NRG1: variants seen among roughly 807,000 people sequenced by gnomAD.
The protein encoded by NRG1 is neuregulin 1, also known as pro-neuregulin-1, membrane-bound isoform.
NRG1 carries 18 observed loss-of-function variants against 63.8 expected under a neutral mutation model. The observed-to-expected ratio is 0.28, with a 90% confidence interval of 0.19 to 0.42. The LOEUF is 0.42. Ranked by LOEUF, NRG1 falls within the 10% of genes least tolerant of loss-of-function variation. NRG1 has a pLI of 1.00. For synonymous variants in NRG1, 302 were observed against 301.3 expected (o/e 1.00, Z -0.02); for missense variants, 762 against 814.7 (o/e 0.94, Z 0.79).
intron 1 of NRG1, among the ~76,000 whole-genome samples, chr8:32,013,090 CAATT>C (rs1444383414): frequency 6.6e-6 from 1 of 151,990 alleles, no homozygotes; most frequent in Non-Finnish European, 1.5e-5. Flanking sequence ...TTTATACAAT[CAATT>C]ATCAAGATGC....
rs201029259 is a variant in NRG1 at position 32,390,661 on chromosome 8, G to A, written c.38-205167G>A. 2.6e-5 allele frequency among the ~76,000 whole-genome samples: 4 copies of A among 151,158 alleles called. No individual in the cohort carries two copies. The East Asian group carries it at 7.8e-4, about 29-fold the overall frequency. Reference sequence around the variant, plus strand: ...AGAAAAACTTTCCCTGATATATTTAGGTTGAGACTAGACACCCTCTTATCT... The same window carrying A: ...AGAAAAACTTTCCCTGATATATTTAAGTTGAGACTAGACACCCTCTTATCT... On this transcript the variant is annotated intron_variant, in intron 1 of 10. Coordinates refer to the NRG1 transcript ENST00000519301.
rs71208175 is a variant in NRG1, at chr8:32,366,677, GTATATATATA to G, written c.38-229123_38-229114del. ...ATTGTGTGTGTGTGTGTGTGTGTGT[GTATATATATA>G]TATATATATATATATATATATATAT... On this transcript the variant is annotated intron_variant, in intron 1 of 10. Coordinates refer to the NRG1 transcript ENST00000519301. 4.8e-3 allele frequency among the ~76,000 whole-genome samples: 417 copies of G among 87,506 alleles called. 5 individuals are homozygous for G. The highest frequency in any genetic ancestry group is 7.7e-3 in the African/African-American group (167 of 21,608). The allele number at this position is 87,506 out of a possible 152,430, so 57.4% of individuals were successfully genotyped here.
intron 1 of NRG1, among the ~76,000 whole-genome samples, chr8:31,967,200 A>G (rs929866765): frequency 6.6e-5 from 10 of 152,184 alleles, no homozygotes; most frequent in African/African-American, 4.8e-5. Flanking sequence ...TAGTGGGCAA[A>G]TAGCTCCAGG....
intron 1 of NRG1, among the ~76,000 whole-genome samples, chr8:32,560,679 G>A (rs1277313054): frequency 6.6e-6 from 1 of 152,152 alleles, no homozygotes; most frequent in Non-Finnish European, 1.5e-5. Flanking sequence ...TTATTTTGAA[G>A]CTCTCTGTGT....
At chr8:31,720,839 G>A (rs1477531339) in intron 1 of NRG1, among the ~76,000 whole-genome samples, 1 of 152,132 alleles carries the variant, frequency 6.6e-6, no homozygotes, top group East Asian at 1.9e-4. Context: ...TTGACAATTT[G>A]TAAATTAAAT....
intron 1 of NRG1, among the ~76,000 whole-genome samples, chr8:32,408,909 T>C (rs939769538): frequency 2.6e-5 from 4 of 152,076 alleles, no homozygotes; most frequent in Non-Finnish European, 2.9e-5. Context: ...TCTTTCTGAG[T>C]CTCCAATGTC....
At chr8:31,990,752 A>G (rs1810926956) in intron 1 of NRG1, among the ~76,000 whole-genome samples, 1 of 152,104 alleles carries the variant, frequency 6.6e-6, no homozygotes, top group Non-Finnish European at 1.5e-5. Context: ...CAGATTGGAC[A>G]AGGTTGAAAT....
chr8:31,796,525 T>C (rs1438919286), intron 1 of NRG1, among the ~76,000 whole-genome samples: 1 of 133,496 alleles, frequency 7.5e-6, no homozygotes, highest in East Asian at 2.6e-4. Context: ...CTCCGCCTCC[T>C]GGGTCCACAC....
chr8:32,470,219 T>A (rs369433448), intron 1 of NRG1, among the ~76,000 whole-genome samples: 2 of 135,232 alleles, frequency 1.5e-5, no homozygotes, highest in African/African-American at 5.5e-5. Flanking sequence ...CTCGCTCTGT[T>A]GCCCAGGCTG....
At chr8:32,481,606 C>A (rs1395700378) in intron 1 of NRG1, among the ~76,000 whole-genome samples, 1 of 152,224 alleles carries the variant, frequency 6.6e-6, no homozygotes, top group Non-Finnish European at 1.5e-5. Context: ...CAAATCCCAG[C>A]TTTACAGCTA....
intron 1 of NRG1, among the ~76,000 whole-genome samples, chr8:32,532,777 A>C (rs1179780408): frequency 6.6e-6 from 1 of 152,028 alleles, no homozygotes; most frequent in Non-Finnish European, 1.5e-5. Flanking sequence ...TCCCAACAAA[A>C]ACTTTACTTC....
chr8:32,050,987 G>C (rs1411843821), intron 1 of NRG1, among the ~76,000 whole-genome samples: 1 of 152,098 alleles, frequency 6.6e-6, no homozygotes, highest in African/African-American at 2.4e-5. Flanking sequence ...AAAGGGGAGA[G>C]ATAAGAGAGT....
At chr8:31,843,373 C>G (rs1164770824) in intron 1 of NRG1, among the ~76,000 whole-genome samples, 1 of 152,140 alleles carries the variant, frequency 6.6e-6, no homozygotes, top group Non-Finnish European at 1.5e-5. Context: ...TATGCCATGT[C>G]ACTAAACGTC....
At chr8:32,406,271 G>A (rs1813965741) in intron 1 of NRG1, among the ~76,000 whole-genome samples, 2 of 152,202 alleles carry the variant, frequency 1.3e-5, no homozygotes, top group South Asian at 4.1e-4. Flanking sequence ...GCACGGTCTC[G>A]GGAACCAGAC....
intron 1 of NRG1, among the ~76,000 whole-genome samples, chr8:31,761,550 T>C (rs1052629939): frequency 2.0e-5 from 3 of 152,136 alleles, no homozygotes; most frequent in African/African-American, 7.2e-5. Context: ...TTATTAATTG[T>C]TTTAATTTCA....
At chr8:32,121,372 G>A (rs1289904946) in intron 1 of NRG1, among the ~76,000 whole-genome samples, 2 of 151,300 alleles carry the variant, frequency 1.3e-5, no homozygotes, top group African/African-American at 4.8e-5. Context: ...GGGAATCCAT[G>A]TAGGCTGATC....
intron 1 of NRG1, among the ~76,000 whole-genome samples, chr8:32,539,755 T>C (rs1202426560): frequency 2.0e-5 from 3 of 152,066 alleles, no homozygotes; most frequent in African/African-American, 7.2e-5. Context: ...GTTTTAAATA[T>C]TGGACCATGG....
At chr8:31,771,730 T>G (rs559924637) in intron 1 of NRG1, among the ~76,000 whole-genome samples, 1 of 152,306 alleles carries the variant, frequency 6.6e-6, no homozygotes, top group East Asian at 1.9e-4. Context: ...GGCTATAGTT[T>G]CAGAATTATT....
At chr8:32,564,921 T>G (rs1837157954) in intron 1 of NRG1, among the ~76,000 whole-genome samples, 1 of 151,826 alleles carries the variant, frequency 6.6e-6, no homozygotes, top group African/African-American at 2.4e-5. Flanking sequence ...AAAAAAAAAG[T>G]TAGCCAGTTA....
Sources: gnomAD v4.1 joint callset for allele counts (sites outside exome capture counted in the v4.1 genomes callset) on GRCh38, gnomAD v4.1.1 for gene constraint, MANE v1.5 for transcripts, NCBI Gene and HGNC (gene_info 2026-07-23, HGNC 2026-07-21) for gene names.